Variants in WWP2 observed in about 807,000 individuals in gnomAD.
The protein encoded by WWP2 is NEDD4-like E3 ubiquitin-protein ligase WWP2.
In WWP2, 57 loss-of-function variants were observed where a neutral mutation model predicts 121.0. That is an observed-to-expected ratio of 0.47 (90% CI 0.38 to 0.59). The LOEUF (loss-of-function observed/expected upper bound fraction) is 0.59. Among genes scored for constraint, WWP2 ranks in the 20% least tolerant of loss-of-function variants. WWP2 has a pLI of 0.00. For missense variants in WWP2, 962 were observed against 1,158.9 expected (o/e 0.83, Z 2.47); for synonymous variants, 449 against 441.3 (o/e 1.02, Z -0.22).
intron 6 of WWP2, among the ~76,000 whole-genome samples, chr16:69,851,169 C>A (rs886597535): frequency 7.2e-6 from 1 of 138,676 alleles, no homozygotes; most frequent in Non-Finnish European, 1.6e-5. Flanking sequence ...CACCACCATG[C>A]CCAGCTAATT....
At chr16:69,840,051 A>G in intron 4 of WWP2, 75 bp from the exon 5 acceptor site, 1 of 1,581,872 alleles carries the variant, frequency 6.3e-7, no homozygotes, top group Non-Finnish European at 8.6e-7. Flanking sequence ...GTGAAATGAA[A>G]GCTTCTAATT....
chr16:69,827,520 A>G (rs1376194226), intron 4 of WWP2, among the ~76,000 whole-genome samples: 7 of 152,252 alleles, frequency 4.6e-5, no homozygotes, highest in Admixed American at 4.6e-4. Context: ...TTGTAAAAAA[A>G]CTCCAATGTA....
At chr16:69,854,882 G>A (rs899043332) in intron 6 of WWP2, among the ~76,000 whole-genome samples, 2 of 151,774 alleles carry the variant, frequency 1.3e-5, no homozygotes, top group Admixed American at 6.6e-5. Flanking sequence ...TTGAGACAGG[G>A]TCTTGTTCTG....
At chr16:69,838,890 G>A (rs900882973) in intron 4 of WWP2, 12 of 983,946 alleles carry the variant, frequency 1.2e-5, no homozygotes, top group Admixed American at 1.2e-4. Context: ...AACCCAAAGG[G>A]TAACTGGTTT....
intron 2 of WWP2, among the ~76,000 whole-genome samples, chr16:69,791,152 G>A (rs545007140): frequency 1.3e-5 from 2 of 152,170 alleles, no homozygotes; most frequent in South Asian, 2.1e-4. Context: ...TGGCCTATTG[G>A]ACCTGGTAAC....
In WWP2 at chr16:69,828,470, G is replaced by A. The variant is rs143758674; in HGVS notation, c.341-11656G>A. Among the ~76,000 whole-genome samples the A allele has an allele frequency of 2.6e-3, 392 of 152,204 alleles. 2 individuals are homozygous for A. The highest frequency in any genetic ancestry group is 8.8e-3 in the African/African-American group (367 of 41,522). ...CAACCTCTGCCTCCCTAGTTCAAGC[G>A]AGTCTCCTGCCTCAGCCTCCTGAGT... On this transcript the variant is annotated intron_variant, in intron 4 of 23. Coordinates refer to ENST00000359154, the MANE Select transcript of WWP2 (RefSeq NM_001270454.2).
chr16:69,784,738 G>A (rs528670808), intron 1 of WWP2, among the ~76,000 whole-genome samples: 5 of 152,196 alleles, frequency 3.3e-5, no homozygotes, highest in Admixed American at 6.5e-5. Context: ...GAAAAAGCAC[G>A]GTTGTTTGAA....
chr16:69,768,805 G>A (rs2055353605), intron 1 of WWP2, among the ~76,000 whole-genome samples: 1 of 151,992 alleles, frequency 6.6e-6, no homozygotes, highest in Admixed American at 6.6e-5. Flanking sequence ...GCTCCCTCCC[G>A]TTTTCTCTTT....
chr16:69,775,797 AAAG>A (rs1283891682), intron 1 of WWP2, among the ~76,000 whole-genome samples: 20 of 152,184 alleles, frequency 1.3e-4, no homozygotes, highest in African/African-American at 4.6e-4. Flanking sequence ...CTTGTTTAAA[AAAG>A]AAAGCTGGAC....
At chr16:69,821,971 C>T (rs553925925) in intron 4 of WWP2, among the ~76,000 whole-genome samples, 2 of 152,022 alleles carry the variant, frequency 1.3e-5, no homozygotes, top group East Asian at 3.9e-4. Context: ...TGGCTTTAAA[C>T]GATCCTCCCA....
intron 6 of WWP2, among the ~76,000 whole-genome samples, chr16:69,867,489 A>T (rs950499115): frequency 7.2e-5 from 11 of 152,120 alleles, no homozygotes; most frequent in African/African-American, 2.7e-4. Flanking sequence ...GTCCCATGAC[A>T]CCCAAGGCTC....
chr16:69,926,499 A>T (rs1567437171), intron 11 of WWP2, among the ~76,000 whole-genome samples: 1 of 152,194 alleles, frequency 6.6e-6, no homozygotes, highest in Non-Finnish European at 1.5e-5. Context: ...GCCTGGAAAC[A>T]TGCAGGTTTG....
intron 4 of WWP2, among the ~76,000 whole-genome samples, chr16:69,824,146 C>A (rs2056642171): frequency 6.6e-6 from 1 of 152,248 alleles, no homozygotes; most frequent in African/African-American, 2.4e-5. Context: ...ACCGTCCATT[C>A]CAGCCTCCCA....
At chr16:69,874,017 C>T (rs1050135136) in intron 7 of WWP2, among the ~76,000 whole-genome samples, 3 of 152,100 alleles carry the variant, frequency 2.0e-5, no homozygotes, top group Non-Finnish European at 2.9e-5. Flanking sequence ...AAAAGCCAGG[C>T]GTCTCTAACC....
In WWP2 at chr16:69,925,350, TTTA is replaced by T. The variant is rs1478791400; in HGVS notation, c.1180-77_1180-75del. The T allele has an allele frequency of 8.2e-6, 13 of 1,583,940 alleles. No individual in the cohort carries two copies. In the African/African-American group the frequency reaches 1.8e-4, roughly 22 times the overall value. On this transcript the variant is annotated intron_variant, in intron 10 of 23. Transcript: ENST00000359154. This position sits in a 1 kb window ranked among gnomAD's most constrained non-coding sequence, Gnocchi z 4.0. Reference sequence around the variant, plus strand: ...AATGTGGAAGCCAGTCATTGGCATTTTTATTTTTTATTGATTGATTGATTTTTT... The same window carrying T: ...AATGTGGAAGCCAGTCATTGGCATTTTTTTTTATTGATTGATTGATTTTTT...
chr16:69,904,560 G>A (rs897013536), intron 8 of WWP2, among the ~76,000 whole-genome samples: 2 of 151,830 alleles, frequency 1.3e-5, no homozygotes, highest in African/African-American at 2.4e-5. Flanking sequence ...TTATAGAGAT[G>A]GGATCTTGCT....
chr16:69,818,153 A>G (rs2056530523), intron 4 of WWP2, among the ~76,000 whole-genome samples: 1 of 151,460 alleles, frequency 6.6e-6, no homozygotes, highest in African/African-American at 2.4e-5. Flanking sequence ...TCTCTTTGTT[A>G]TTTTATTTTA....
chr16:69,858,522 T>G (rs1241877951), intron 6 of WWP2, among the ~76,000 whole-genome samples: 2 of 152,072 alleles, frequency 1.3e-5, no homozygotes, highest in Admixed American at 6.6e-5. Flanking sequence ...GCGCCCTTTA[T>G]CACAGCCGCC....
intron 7 of WWP2, among the ~76,000 whole-genome samples, chr16:69,877,402 T>A (rs191934320): frequency 1.0e-3 from 153 of 152,356 alleles, no homozygotes; most frequent in Non-Finnish European, 2.1e-3. Flanking sequence ...CAGATTAGGC[T>A]TTGGCTTAAG....
Sources: allele counts gnomAD v4.1 joint callset (sites outside exome capture counted in the v4.1 genomes callset), GRCh38; gene constraint gnomAD v4.1.1; non-coding constraint Gnocchi (gnomAD v3.1); transcripts MANE v1.5; gene names NCBI Gene and HGNC (gene_info 2026-07-23, HGNC 2026-07-21).